Variants in CSMD1 observed in about 807,000 individuals in gnomAD.
The protein encoded by CSMD1 is CUB and sushi domain-containing protein 1.
Under a neutral mutation model 417.5 loss-of-function variants are expected in CSMD1, and 213 were observed. The observed-to-expected ratio is 0.51, with a 90% CI of 0.46 to 0.57. The LOEUF is 0.57. CSMD1 is among the 20% of genes least tolerant of loss of function. The pLI, the probability that CSMD1 is intolerant of heterozygous loss-of-function variation, is 0.00. For synonymous variants in CSMD1, 2,862 were observed against 1,736.8 expected, an observed-to-expected ratio of 1.65 and a Z score of -16.11; for missense variants, 6,923 against 4,529.7, an observed-to-expected ratio of 1.53 and a Z score of -15.17.
At chr8:4,531,105 C>G (rs183289686) in intron 2 of CSMD1, among the ~76,000 whole-genome samples, 3 of 152,082 alleles carry the variant, frequency 2.0e-5, no homozygotes, top group Non-Finnish European at 4.4e-5. Context: ...GCTGAATCAT[C>G]GCGAGTAGAA....
chr8:4,174,748 A>G (rs1584958547), intron 3 of CSMD1, among the ~76,000 whole-genome samples: 1 of 1,532 alleles, frequency 6.5e-4, no homozygotes, highest in Non-Finnish European at 1.6e-3. Flanking sequence ...GATGTGAGGA[A>G]GAGGGATGTG....
chr8:4,120,774 A>C (rs1802442197), intron 3 of CSMD1, among the ~76,000 whole-genome samples: 1 of 152,218 alleles, frequency 6.6e-6, no homozygotes, highest in South Asian at 2.1e-4. Context: ...TAGTTAAAAC[A>C]TGTCACTTTC....
At chr8:4,458,573 G>C (rs918805003) in intron 2 of CSMD1, among the ~76,000 whole-genome samples, 3 of 152,024 alleles carry the variant, frequency 2.0e-5, no homozygotes, top group African/African-American at 7.3e-5. Flanking sequence ...GAAAGACATT[G>C]TAACAGTAAA....
intron 50 of CSMD1, among the ~76,000 whole-genome samples, chr8:3,047,346 G>C (rs1389921419): frequency 6.6e-6 from 1 of 151,670 alleles, no homozygotes; most frequent in Admixed American, 6.6e-5. Flanking sequence ...ATCTACATCC[G>C]TTATTCTTTT....
In CSMD1 at chr8:3,187,920, C is replaced by G. The variant is rs1796161759; in HGVS notation, c.5569G>C (p.Glu1857Gln). ...FATEQNWDSL[E>Q]IHDGGDVTAP... is the part of the protein sequence containing the mutation. ...GTCACATCCCCACCATCGTGGATCTCAAGGGAGTCCCAGTTCTGCTCCGTG... is the reference window on the plus strand; with the variant it reads ...GTCACATCCCCACCATCGTGGATCTGAAGGGAGTCCCAGTTCTGCTCCGTG... The change falls in exon 36 of 70, where the codon GAG becomes CAG. Residue 1857 changes from glutamate (E) to glutamine (Q), a missense_variant. Coordinates refer to ENST00000635120, the MANE Select transcript of CSMD1 (RefSeq NM_033225.6). 4.3e-6 allele frequency: 7 copies of G among 1,613,382 alleles called. No individual in the cohort carries two copies. Among genetic ancestry groups the G allele is most frequent in the Non-Finnish European group, 4.2e-6 (5 of 1,179,728 alleles).
intron 26 of CSMD1, among the ~76,000 whole-genome samples, chr8:3,268,935 A>G (rs1801636804): frequency 6.6e-6 from 1 of 152,214 alleles, no homozygotes; most frequent in Non-Finnish European, 1.5e-5. Flanking sequence ...TATTTTTTAT[A>G]GAAAGAAGCT....
At chr8:3,367,002 G>T in intron 20 of CSMD1, 30 bp downstream of exon 20, 1 of 1,539,236 alleles carries the variant, frequency 6.5e-7, no homozygotes, top group Non-Finnish European at 9.0e-7. Context: ...TGTTGCCAGA[G>T]GAGAGAAACA....
chr8:4,229,232 G>A (rs746261384), intron 3 of CSMD1, among the ~76,000 whole-genome samples: 23 of 152,114 alleles, frequency 1.5e-4, no homozygotes, highest in Non-Finnish European at 3.4e-4. Flanking sequence ...GGCCAATTTG[G>A]CTAGTCCTAC....
chr8:4,845,857 C>T (rs1585202990), intron 1 of CSMD1, among the ~76,000 whole-genome samples: 1 of 152,100 alleles, frequency 6.6e-6, no homozygotes, highest in East Asian at 1.9e-4. Flanking sequence ...TGAATTTTTC[C>T]CACTACCTAA....
intron 5 of CSMD1, among the ~76,000 whole-genome samples, chr8:3,925,095 CTTTCTT>C (rs1809557404): frequency 6.6e-6 from 1 of 152,164 alleles, no homozygotes; most frequent in African/African-American, 2.4e-5. Context: ...TTCTCTTATT[CTTTCTT>C]ACCAGTCAGT....
intron 3 of CSMD1, among the ~76,000 whole-genome samples, chr8:4,043,186 T>C (rs928090960): frequency 1.3e-5 from 2 of 152,154 alleles, no homozygotes; most frequent in African/African-American, 2.4e-5. Flanking sequence ...CAGTAGATTA[T>C]GGTAGACTGC....
intron 29 of CSMD1, among the ~76,000 whole-genome samples, chr8:3,216,428 C>G (rs1797884124): frequency 6.6e-6 from 1 of 152,148 alleles, no homozygotes; most frequent in Admixed American, 6.5e-5. Flanking sequence ...TTTCCCAGTA[C>G]ACATCTATTA....
intron 7 of CSMD1, among the ~76,000 whole-genome samples, chr8:3,695,218 T>C (rs1384945885): frequency 6.6e-6 from 1 of 152,012 alleles, no homozygotes; most frequent in Non-Finnish European, 1.5e-5. Context: ...ATCTTATAGA[T>C]GCAATAAACG....
chr8:3,473,562 T>A (rs577907983), intron 11 of CSMD1, among the ~76,000 whole-genome samples: 2 of 152,202 alleles, frequency 1.3e-5, no homozygotes, highest in African/African-American at 4.8e-5. Context: ...AAGCAAGCAA[T>A]ATTGTTGCCC....
intron 4 of CSMD1, among the ~76,000 whole-genome samples, chr8:4,026,096 C>A (rs1797051393): frequency 1.3e-5 from 2 of 151,788 alleles, no homozygotes; most frequent in African/African-American, 4.8e-5. Context: ...ATACTCATTT[C>A]ATTCGTGTGA....
chr8:3,703,064 A>C (rs1393569419), intron 7 of CSMD1, among the ~76,000 whole-genome samples: 1 of 152,176 alleles, frequency 6.6e-6, no homozygotes, highest in Non-Finnish European at 1.5e-5. Flanking sequence ...GTAATTATAA[A>C]ATACTTAGAT....
chr8:4,369,948 T>C (rs1336449879), intron 3 of CSMD1, among the ~76,000 whole-genome samples: 2 of 152,192 alleles, frequency 1.3e-5, no homozygotes, highest in African/African-American at 2.4e-5. Flanking sequence ...CCCATTTACA[T>C]TCTGGGTCAA....
chr8:2,963,776 G>T (rs1357528764), intron 59 of CSMD1, among the ~76,000 whole-genome samples: 3 of 152,124 alleles, frequency 2.0e-5, no homozygotes, highest in Non-Finnish European at 4.4e-5. Flanking sequence ...AGGCACAGAT[G>T]GTAAGAATTT....
At chr8:3,579,555 T>C (rs2200076) in intron 9 of CSMD1, among the ~76,000 whole-genome samples, 1 of 152,010 alleles carries the variant, frequency 6.6e-6, no homozygotes, top group African/African-American at 2.4e-5. Context: ...TTAGGAGAAA[T>C]CATTTTTATC....
Sources: allele counts gnomAD v4.1 joint callset (sites outside exome capture counted in the v4.1 genomes callset), GRCh38; gene constraint gnomAD v4.1.1; transcripts MANE v1.5; gene names NCBI Gene and HGNC (gene_info 2026-07-23, HGNC 2026-07-21).